The following ARHGEF28 variants were observed in gnomAD, a reference collection of about 807,000 sequenced individuals.
ARHGEF28 encodes the protein Rho guanine nucleotide exchange factor 28.
ARHGEF28 carries 152 observed loss-of-function variants against 206.6 expected under a neutral mutation model. That is an observed-to-expected ratio of 0.74 (90% CI 0.64 to 0.84). The LOEUF (loss-of-function observed/expected upper bound fraction) is 0.84. Ranked by LOEUF, ARHGEF28 falls within the 40% of genes least tolerant of loss-of-function variation. ARHGEF28 has a pLI of 0.00. For synonymous variants in ARHGEF28, 763 were observed against 776.4 expected, an observed-to-expected ratio of 0.98 and a Z score of 0.29; for missense variants, 2,028 against 2,073.2, an observed-to-expected ratio of 0.98 and a Z score of 0.42.
rs112215333 is a variant in ARHGEF28, at chr5:73,708,186, GT to G, written c.33+23314del. Among the ~76,000 whole-genome samples, 180 of 147,228 alleles carry G rather than the reference GT, an allele frequency of 1.2e-3. 2 individuals are homozygous for G. The East Asian group carries it at 0.023, about 19-fold the overall frequency. On this transcript the variant is annotated intron_variant, in intron 2 of 35. Coordinates refer to ENST00000513042, the MANE Select transcript of ARHGEF28 (RefSeq NM_001177693.2). Reference sequence around the variant, plus strand: ...AAAACACTTTAGCTTTACTGTCAAAGTTTTTTTTTTTTAATTTCAGCTTTTA... The same window carrying G: ...AAAACACTTTAGCTTTACTGTCAAAGTTTTTTTTTTTAATTTCAGCTTTTA...
chr5:73,661,070 C>G (rs1052236714), intron 1 of ARHGEF28, among the ~76,000 whole-genome samples: 1 of 151,948 alleles, frequency 6.6e-6, no homozygotes, highest in Admixed American at 6.6e-5. Flanking sequence ...CATCTTTTTC[C>G]AAAAAAAGGT....
intron 1 of ARHGEF28, among the ~76,000 whole-genome samples, chr5:73,676,031 G>A (rs555606072): frequency 1.5e-4 from 22 of 150,176 alleles, no homozygotes; most frequent in African/African-American, 3.4e-4. Flanking sequence ...GATTGACTCC[G>A]CACCATACAA....
chr5:73,838,558 G>A (rs367738803), intron 10 of ARHGEF28, among the ~76,000 whole-genome samples: 18 of 152,230 alleles, frequency 1.2e-4, no homozygotes, highest in African/African-American at 4.1e-4. Flanking sequence ...TCAGTACAGA[G>A]AATCCCTGTA....
intron 7 of ARHGEF28, chr5:73,786,568 A>T (rs1246766720): frequency 6.6e-6 from 1 of 152,220 alleles, no homozygotes; most frequent in Non-Finnish European, 1.5e-5. Flanking sequence ...AGGCACAGAC[A>T]TGTCTCGATG....
At position 73,770,355 on chromosome 5, in the gene ARHGEF28, T is replaced by G. The variant is rs190020249; in HGVS notation, c.476-3500T>G. Among the ~76,000 whole-genome samples the G allele has an allele frequency of 1.3e-4, 20 of 152,352 alleles. No homozygotes were observed. The East Asian group carries it at 3.7e-3, about 28-fold the overall frequency. On this transcript the variant is annotated intron_variant, in intron 4 of 35. Transcript: ENST00000513042. ...TGGACTCCTGTTATGCAGTAAGGAA[T>G]GGCTTATTGAATGGCACAGCCTGTT...
intron 9 of ARHGEF28, among the ~76,000 whole-genome samples, chr5:73,800,325 T>C (rs1755056044): frequency 1.3e-5 from 2 of 152,338 alleles, no homozygotes; most frequent in South Asian, 2.1e-4. Context: ...TAATAAAGCA[T>C]GTGGATTACT....
At chr5:73,796,928 A>G (rs1754856678) in intron 9 of ARHGEF28, among the ~76,000 whole-genome samples, 1 of 152,240 alleles carries the variant, frequency 6.6e-6, no homozygotes, top group Non-Finnish European at 1.5e-5. Context: ...ATGTTTGCTA[A>G]GATGAATTGC....
chr5:73,845,178 C>T (rs1430176203), intron 11 of ARHGEF28, among the ~76,000 whole-genome samples: 6 of 151,926 alleles, frequency 3.9e-5, no homozygotes, highest in Middle Eastern at 3.4e-3. Flanking sequence ...CCACAACAGC[C>T]GGCTAATTTT....
chr5:73,740,666 A>G (rs1751324927), intron 2 of ARHGEF28, among the ~76,000 whole-genome samples: 1 of 152,102 alleles, frequency 6.6e-6, no homozygotes, highest in African/African-American at 2.4e-5. Flanking sequence ...AGTTCCTTCA[A>G]TTGTTCTTCA....
chr5:73,857,999 TC>T, intron 15 of ARHGEF28, 87 bp from the exon 16 acceptor site: 1 of 1,518,328 alleles, frequency 6.6e-7, no homozygotes, highest in Non-Finnish European at 8.8e-7. Context: ...GAGACTTTGC[TC>T]AGATGATTTC....
chr5:73,882,278 C>T (rs979166149), intron 22 of ARHGEF28, among the ~76,000 whole-genome samples, 194 bp from the exon 23 acceptor site: 1 of 151,984 alleles, frequency 6.6e-6, no homozygotes, highest in Admixed American at 6.6e-5. Context: ...ATTATGTTGA[C>T]CCTTACCACT....
chr5:73,940,944 G>T lies in ARHGEF28; in HGVS notation c.5049G>T (p.Pro1683=). The change falls in exon 36 of 36, where the codon CCG becomes CCT. Residue 1683 remains proline, a synonymous_variant. Coordinates refer to ENST00000513042, the MANE Select transcript of ARHGEF28 (RefSeq NM_001177693.2). ...AFITEAKLNL[P]TRTMTRQDGE... The stretch of plus-strand genomic sequence containing the variant: ...TAACAGAAGCAAAGCTAAATCTACC[G>T]ACAAGGACAATGACCAGACAAGATG... 1 of 1,534,256 alleles carries T rather than the reference G, an allele frequency of 6.5e-7. No individual in the cohort carries two copies. The highest frequency in any genetic ancestry group is 1.2e-5 in the South Asian group (1 of 83,760).
chr5:73,796,874 A>C (rs958610854), intron 9 of ARHGEF28, among the ~76,000 whole-genome samples: 1 of 152,208 alleles, frequency 6.6e-6, no homozygotes, highest in Non-Finnish European at 1.5e-5. Context: ...AGGATGTCTC[A>C]GCTACAAATT....
intron 9 of ARHGEF28, among the ~76,000 whole-genome samples, chr5:73,817,222 G>A (rs577124711): frequency 1.3e-5 from 2 of 152,284 alleles, no homozygotes; most frequent in South Asian, 4.1e-4. Flanking sequence ...CCTTTCCAGT[G>A]ACACATAGTG....
chr5:73,684,874 C>T lies in ARHGEF28; in HGVS notation c.23C>T (p.Ala8Val), dbSNP rs780500142. 6.2e-6 allele frequency: 10 copies of T among 1,611,818 alleles called. No individual in the cohort carries two copies. The highest frequency in any genetic ancestry group is 8.5e-6 in the Non-Finnish European group (10 of 1,178,772). Residue 8 changes from alanine to valine, a missense_variant, in exon 2 of 36, where the codon GCA becomes GTA. Ala to Val is a moderately conservative substitution (Grantham distance 64). Coordinates refer to ENST00000513042, the MANE Select transcript of ARHGEF28 (RefSeq NM_001177693.2). ...GCCATGGAGTTGAGCTGCAGCGAAG[C>T]ACCTCTTTACGTAAGTTGCTAAGCA... is the stretch of plus-strand genomic sequence containing the variant. MELSCSE[A>V]PLYGQMMIYA...
chr5:73,802,970 G>A (rs2112501169), intron 9 of ARHGEF28, among the ~76,000 whole-genome samples: 1 of 150,278 alleles, frequency 6.7e-6, no homozygotes, highest in Admixed American at 6.7e-5. Context: ...TCCTTGGAAG[G>A]GACTTTAGGG....
chr5:73,647,488 G>A (rs993249170), intron 1 of ARHGEF28, among the ~76,000 whole-genome samples: 9 of 152,138 alleles, frequency 5.9e-5, no homozygotes, highest in Admixed American at 1.3e-4. Flanking sequence ...TTAGCTTAGC[G>A]CTGTCCAATA....
chr5:73,911,691 C>A, intron 35 of ARHGEF28, 116 bp downstream of exon 35: 1 of 1,105,398 alleles, frequency 9.0e-7, no homozygotes, highest in Non-Finnish European at 1.3e-6. Context: ...TAAATCGGTA[C>A]TGATGAGCTG....
intron 1 of ARHGEF28, among the ~76,000 whole-genome samples, chr5:73,678,573 A>T (rs1394363274): frequency 6.6e-6 from 1 of 152,170 alleles, no homozygotes; most frequent in South Asian, 2.1e-4. Context: ...TCCTTCGTGA[A>T]GCTGTGTGAT....
Sources: gnomAD v4.1 joint callset for allele counts (sites outside exome capture counted in the v4.1 genomes callset) on GRCh38, gnomAD v4.1.1 for gene constraint, MANE v1.5 for transcripts, NCBI Gene and HGNC (gene_info 2026-07-23, HGNC 2026-07-21) for gene names.